Variants in NFATC3 observed in about 807,000 individuals in gnomAD.
NFATC3 encodes the protein nuclear factor of activated T-cells, cytoplasmic 3.
In NFATC3, 46 loss-of-function variants were observed where a neutral mutation model predicts 98.6. The ratio of observed to expected loss-of-function variants is 0.47; its 90% CI spans 0.37 to 0.60. The LOEUF (loss-of-function observed/expected upper bound fraction) is 0.60, where lower values mean the gene tolerates loss of function less well. NFATC3 is among the 20% of genes least tolerant of loss of function. NFATC3 has a pLI of 0.00. For synonymous variants in NFATC3, 512 were observed against 472.2 expected, an observed-to-expected ratio of 1.08 and a Z score of -1.09; for missense variants, 1,256 against 1,295.5, an observed-to-expected ratio of 0.97 and a Z score of 0.47.
intron 9 of NFATC3, chr16:68,221,604 G>A (rs1349225402): frequency 9.4e-7 from 1 of 1,068,738 alleles, no homozygotes; most frequent in African/African-American, 1.7e-5. Context: ...TGCCCCGTTG[G>A]AACTTAAATC....
At chr16:68,086,859 A>C (rs192037827) in intron 1 of NFATC3, 47 of 837,958 alleles carry the variant, frequency 5.6e-5, no homozygotes, top group Non-Finnish European at 6.3e-5. Context: ...ACTGTAGTAC[A>C]TAATTTATAA....
chr16:68,112,830 CA>C (rs1231288153), intron 1 of NFATC3, among the ~76,000 whole-genome samples: 1 of 151,436 alleles, frequency 6.6e-6, no homozygotes, highest in Non-Finnish European at 1.5e-5. Context: ...CTTATTTTAG[CA>C]AGATAGTCTT....
At chr16:68,202,689 A>G (rs2040977051) in intron 9 of NFATC3, among the ~76,000 whole-genome samples, 1 of 151,966 alleles carries the variant, frequency 6.6e-6, no homozygotes, top group African/African-American at 2.4e-5. Flanking sequence ...GTGGACACCT[A>G]TAATCCCAGC....
At chr16:68,211,037 C>A (rs927461096) in intron 9 of NFATC3, among the ~76,000 whole-genome samples, 1 of 152,070 alleles carries the variant, frequency 6.6e-6, no homozygotes, top group Non-Finnish European at 1.5e-5. Flanking sequence ...CCACCTTAGC[C>A]TCCCAGGTGT....
intron 3 of NFATC3, among the ~76,000 whole-genome samples, chr16:68,143,345 G>T (rs1713736827): frequency 6.6e-6 from 1 of 151,966 alleles, no homozygotes; most frequent in Admixed American, 6.6e-5. Context: ...AAATCAGCTG[G>T]AATTGTCAAT....
chr16:68,098,287 TA>T (rs1413712580), intron 1 of NFATC3, among the ~76,000 whole-genome samples: 5 of 124,990 alleles, frequency 4.0e-5, no homozygotes, highest in East Asian at 4.3e-4. Context: ...TTATTATTAT[TA>T]TTATTATTAT....
At chr16:68,107,214 C>T (rs2035706827) in intron 1 of NFATC3, among the ~76,000 whole-genome samples, 1 of 152,144 alleles carries the variant, frequency 6.6e-6, no homozygotes, top group African/African-American at 2.4e-5. Flanking sequence ...CATACACATG[C>T]ATGTATCTTT....
chr16:68,161,591 C>T (rs946414268), intron 4 of NFATC3, among the ~76,000 whole-genome samples: 11 of 152,160 alleles, frequency 7.2e-5, no homozygotes, highest in African/African-American at 1.7e-4. Flanking sequence ...TTTGCTTTAC[C>T]GTACAACACG....
At chr16:68,098,911 T>C (rs1425288789) in intron 1 of NFATC3, among the ~76,000 whole-genome samples, 1 of 152,216 alleles carries the variant, frequency 6.6e-6, no homozygotes, top group Non-Finnish European at 1.5e-5. Context: ...CACAGGAAGT[T>C]GTAAATAAAA....
chr16:68,142,509 A>G (rs1039616213), intron 3 of NFATC3, among the ~76,000 whole-genome samples: 4 of 152,084 alleles, frequency 2.6e-5, no homozygotes, highest in Non-Finnish European at 4.4e-5. Flanking sequence ...TGTAATCCCA[A>G]CACTGGGAGG....
At chr16:68,163,527 C>A (rs2039009814) in intron 4 of NFATC3, among the ~76,000 whole-genome samples, 1 of 151,146 alleles carries the variant, frequency 6.6e-6, no homozygotes, top group African/African-American at 2.4e-5. Flanking sequence ...GACGGGGCGG[C>A]TGGCCTGGTG....
chr16:68,199,326 C>T (rs1268286724), intron 9 of NFATC3, among the ~76,000 whole-genome samples: 2 of 149,068 alleles, frequency 1.3e-5, no homozygotes, highest in African/African-American at 4.9e-5. Context: ...CGGGTTCACG[C>T]CATTCTCCTG....
At chr16:68,182,779 A>G (rs891964878) in intron 7 of NFATC3, among the ~76,000 whole-genome samples, 7 of 152,242 alleles carry the variant, frequency 4.6e-5, no homozygotes, top group Admixed American at 4.6e-4. Context: ...TCAGCCTCCC[A>G]AAGTGCTGGG....
chr16:68,218,495 C>T (rs1176296270), intron 9 of NFATC3, among the ~76,000 whole-genome samples: 8 of 116,390 alleles, frequency 6.9e-5, no homozygotes, highest in African/African-American at 2.1e-4. Flanking sequence ...CCAGCCTGGG[C>T]GACAGAATGA....
rs1330941148 is a variant in NFATC3 at position 68,157,869 on chromosome 16, C to T, written c.1402C>T (p.Leu468Phe). 3 of 1,611,166 alleles carry T rather than the reference C, an allele frequency of 1.9e-6. No individual in the cohort carries two copies. Among genetic ancestry groups the T allele is most frequent in the Non-Finnish European group, 2.5e-6 (3 of 1,178,556 alleles). The change falls in exon 4 of 10, where the codon CTC becomes TTC. Residue 468 changes from leucine (L) to phenylalanine (F), a missense_variant and splice_region_variant. Around this residue, in one of 3 missense-constraint regions of NFATC3, gnomAD observed 156 missense variants for 212.4 expected, o/e 0.73. Coordinates refer to ENST00000346183, the MANE Select transcript of NFATC3 (RefSeq NM_173165.3). ...ASTGGHPVVKLLGYNEKPINL... is the reference protein window; with the variant it reads ...ASTGGHPVVKFLGYNEKPINL... Reference sequence around the variant, plus strand: ...TTCTGTGTTTCTTTTTCCTGATTAGCTCCTGGGCTATAACGAAAAGCCAAT... The same window carrying T: ...TTCTGTGTTTCTTTTTCCTGATTAGTTCCTGGGCTATAACGAAAAGCCAAT...
intron 1 of NFATC3, chr16:68,086,640 A>T (rs747328923): frequency 8.5e-5 from 84 of 985,336 alleles, no homozygotes; most frequent in Non-Finnish European, 1.0e-4. Flanking sequence ...ACATATGCAT[A>T]CGAACTTCAA....
At chr16:68,168,923 G>C (rs1185585174) in intron 5 of NFATC3, among the ~76,000 whole-genome samples, 1 of 152,112 alleles carries the variant, frequency 6.6e-6, no homozygotes, top group East Asian at 1.9e-4. Context: ...ATTAGCTGTA[G>C]AACTAATTTT....
chr16:68,137,441 C>T (rs931559228), intron 3 of NFATC3, among the ~76,000 whole-genome samples: 9 of 152,054 alleles, frequency 5.9e-5, no homozygotes, highest in African/African-American at 2.2e-4. Context: ...ATTTACCGAA[C>T]CACTGTTATG....
At chr16:68,106,100 C>T (rs1177943701) in intron 1 of NFATC3, among the ~76,000 whole-genome samples, 1 of 151,936 alleles carries the variant, frequency 6.6e-6, no homozygotes, top group Non-Finnish European at 1.5e-5. Context: ...GAACTCTTGA[C>T]CTCAAGTGAT....
Sources: gnomAD v4.1 joint callset for allele counts (sites outside exome capture counted in the v4.1 genomes callset) on GRCh38, gnomAD v4.1.1 for gene constraint, gnomAD v4.1.1 regional missense constraint, MANE v1.5 for transcripts, NCBI Gene and HGNC (gene_info 2026-07-23, HGNC 2026-07-21) for gene names.